The following SPTLC3 variants were observed in gnomAD, a reference collection of about 807,000 sequenced individuals.
SPTLC3 encodes the protein serine palmitoyltransferase long chain base subunit 3.
Under a neutral mutation model 59.3 loss-of-function variants are expected in SPTLC3, and 36 were observed. That is an observed-to-expected ratio of 0.61 (90% CI 0.47 to 0.80). SPTLC3 has a LOEUF of 0.80. SPTLC3 is among the 30% of genes least tolerant of loss of function. The pLI is 0.00. For synonymous variants in SPTLC3, 257 were observed against 240.8 expected (o/e 1.07, Z -0.62); for missense variants, 625 against 685.1 (o/e 0.91, Z 0.98).
At chr20:13,076,128 G>A (rs1477667569) in intron 4 of SPTLC3, among the ~76,000 whole-genome samples, 1 of 152,158 alleles carries the variant, frequency 6.6e-6, no homozygotes. Context: ...CAAGTAAATA[G>A]TGAAAGACTC....
chr20:13,168,421 G>T lies in SPTLC3; in HGVS notation c.*3554G>T, dbSNP rs1274049111. 7 of 152,252 alleles carry T rather than the reference G, an allele frequency of 4.6e-5. No individual in the cohort carries two copies. In the East Asian group the frequency reaches 1.4e-3, roughly 29 times the overall value. The allele number at this position is 152,252 out of a possible 1,614,324, so 9.4% of individuals were successfully genotyped here. On this transcript the variant is annotated 3_prime_UTR_variant, in exon 12 of 12. Transcript: ENST00000399002. ...TGGTCTCGAACTCCTGACCTTAGGT[G>T]ATCCTCCCACCTCGGCCTCCCAAAG...
At chr20:13,011,570 T>G (rs142111954) in intron 1 of SPTLC3, among the ~76,000 whole-genome samples, 33 of 152,286 alleles carry the variant, frequency 2.2e-4, no homozygotes, top group African/African-American at 7.7e-4. Flanking sequence ...GCGGTGCTCA[T>G]GAGTCCTCCT....
At chr20:13,141,842 C>A (rs6109725) in intron 9 of SPTLC3, among the ~76,000 whole-genome samples, 4,965 of 152,278 alleles carry the variant, frequency 0.033, 243 homozygotes, top group African/African-American at 0.11. Context: ...GATTAATCAC[C>A]TGTGCTGGGG....
chr20:13,117,892 G>A (rs1014221172), intron 8 of SPTLC3, among the ~76,000 whole-genome samples, 167 bp downstream of exon 8: 9 of 152,126 alleles, frequency 5.9e-5, no homozygotes, highest in African/African-American at 9.7e-5. Context: ...CCAGAATATC[G>A]AGGAGCTCTC....
chr20:13,112,319 C>T (rs1284438466), intron 7 of SPTLC3, among the ~76,000 whole-genome samples: 1 of 152,206 alleles, frequency 6.6e-6, no homozygotes, highest in Non-Finnish European at 1.5e-5. Context: ...CTCTTCCACA[C>T]AGCTTTCTCT....
intron 6 of SPTLC3, 25 bp from the exon 7 acceptor site, chr20:13,110,086 AT>A (rs375575863): frequency 0.042 from 45,708 of 1,087,044 alleles, 1,727 homozygotes; most frequent in African/African-American, 0.24. Context: ...TCATGACTCA[AT>A]TTTTTTTTTT....
rs2039004614 is a variant in SPTLC3, at chr20:13,167,955, GTA to G, written c.*3095_*3096del. The G allele has an allele frequency of 6.6e-6, 1 of 152,158 alleles. No homozygotes were observed. Among genetic ancestry groups the G allele is most frequent in the Non-Finnish European group, 1.5e-5 (1 of 68,048 alleles). 9.4% of individuals were successfully genotyped at this position (152,158 alleles called of 1,614,324 possible). On this transcript the variant is annotated 3_prime_UTR_variant, in exon 12 of 12. Transcript: ENST00000399002. ...CTGATTCTCTTGTTCATAATTAAGTGTATATATACTGGTAAAATTAATTTATT... is the reference window on the plus strand; with the variant it reads ...CTGATTCTCTTGTTCATAATTAAGTGTATATACTGGTAAAATTAATTTATT...
chr20:13,046,684 C>A (rs1292553642), intron 1 of SPTLC3, among the ~76,000 whole-genome samples: 2 of 152,038 alleles, frequency 1.3e-5, no homozygotes, highest in African/African-American at 2.4e-5. Flanking sequence ...AGGAAAGGAG[C>A]CAAAGGTTTG....
At chr20:13,160,499 A>G (rs2038874086) in intron 11 of SPTLC3, among the ~76,000 whole-genome samples, 1 of 152,240 alleles carries the variant, frequency 6.6e-6, no homozygotes, top group Non-Finnish European at 1.5e-5. Context: ...TAAATCTGCC[A>G]TAATAAAATA....
rs752563722 is a variant in SPTLC3 at position 13,009,246 on chromosome 20, C to T, written c.-22C>T. 112 of 1,604,986 alleles carry T rather than the reference C, an allele frequency of 7.0e-5. No homozygotes were observed. The highest frequency in any genetic ancestry group is 2.0e-5 in the Non-Finnish European group (23 of 1,172,050). On this transcript the variant is annotated 5_prime_UTR_variant, in exon 1 of 12. Transcript: ENST00000399002. ...GAGACCTCTGAAGGAAAACCTGTCC[C>T]GGGCTCTGTCACTTCACACCCATGG...
intron 5 of SPTLC3, 23 bp downstream of exon 5, chr20:13,091,230 T>C: frequency 6.2e-7 from 1 of 1,610,626 alleles, no homozygotes; most frequent in Non-Finnish European, 8.5e-7. Flanking sequence ...AACCTAATTG[T>C]CTTCTACTGT....
chr20:13,129,971 G>A (rs1053266993), intron 9 of SPTLC3, among the ~76,000 whole-genome samples: 1 of 152,098 alleles, frequency 6.6e-6, no homozygotes, highest in Non-Finnish European at 1.5e-5. Flanking sequence ...CTATGTGTAT[G>A]GTCTGGTTTT....
At position 13,041,741 on chromosome 20, in the gene SPTLC3, C is replaced by G. The variant is rs10211815; in HGVS notation, c.118-7204C>G. On this transcript the variant is annotated intron_variant, in intron 1 of 11. Coordinates refer to ENST00000399002, the MANE Select transcript of SPTLC3 (RefSeq NM_018327.4). ...ATACTAATCACTGCCCTCCCCCGCC[C>G]CCACTAGAGGATTGTCTTTGTTGTG... Among the ~76,000 whole-genome samples the G allele has an allele frequency of 5.8e-3, 875 of 152,128 alleles. 12 individuals are homozygous for G. Among genetic ancestry groups the G allele is most frequent in the African/African-American group, 0.02 (837 of 41,494 alleles).
chr20:13,058,937 G>A (rs1044117363), intron 2 of SPTLC3, among the ~76,000 whole-genome samples: 6 of 152,100 alleles, frequency 3.9e-5, no homozygotes, highest in Admixed American at 1.3e-4. Flanking sequence ...CAAGAAGATG[G>A]TAAACTAATG....
At chr20:13,020,692 G>T (rs892243922) in intron 1 of SPTLC3, among the ~76,000 whole-genome samples, 1 of 152,094 alleles carries the variant, frequency 6.6e-6, no homozygotes, top group Non-Finnish European at 1.5e-5. Context: ...CACCCCTTAG[G>T]ATGTCCCAGG....
At chr20:13,097,985 T>A (rs898895720) in intron 6 of SPTLC3, among the ~76,000 whole-genome samples, 1 of 152,160 alleles carries the variant, frequency 6.6e-6, no homozygotes, top group Admixed American at 6.5e-5. Flanking sequence ...TGTATCAACA[T>A]TAAAAATACT....
intron 1 of SPTLC3, among the ~76,000 whole-genome samples, chr20:13,046,274 T>A (rs1318798594): frequency 6.6e-6 from 1 of 152,130 alleles, no homozygotes; most frequent in East Asian, 1.9e-4. Flanking sequence ...TCAGTCAGGG[T>A]CTTCCTTTTC....
chr20:13,148,993 A>G (rs1411381633), intron 9 of SPTLC3, among the ~76,000 whole-genome samples: 1 of 152,228 alleles, frequency 6.6e-6, no homozygotes, highest in Non-Finnish European at 1.5e-5. Flanking sequence ...ATTTACAGCT[A>G]AAACTGAGAT....
chr20:13,131,844 GTCGT>G (rs2038127253), intron 9 of SPTLC3, among the ~76,000 whole-genome samples: 1 of 152,088 alleles, frequency 6.6e-6, no homozygotes, highest in South Asian at 2.1e-4. Context: ...AGAACTTTCT[GTCGT>G]CTTTTCAGCT....
Sources: gnomAD v4.1 joint callset for allele counts (sites outside exome capture counted in the v4.1 genomes callset) on GRCh38, gnomAD v4.1.1 for gene constraint, MANE v1.5 for transcripts, NCBI Gene and HGNC (gene_info 2026-07-23, HGNC 2026-07-21) for gene names.